The following KDM1A variants were observed in gnomAD, a reference collection of about 807,000 sequenced individuals.
KDM1A encodes the protein lysine-specific histone demethylase 1A.
Under a neutral mutation model 109.4 loss-of-function variants are expected in KDM1A, and 49 were observed. The ratio of observed to expected loss-of-function variants is 0.45; its 90% CI spans 0.36 to 0.57. The LOEUF is 0.57. Ranked by LOEUF, KDM1A falls within the 20% of genes least tolerant of loss-of-function variation. KDM1A has a pLI of 0.00. For missense variants in KDM1A, 668 were observed against 1,116.6 expected, an observed-to-expected ratio of 0.60 and a Z score of 5.73; for synonymous variants, 380 against 415.4, an observed-to-expected ratio of 0.91 and a Z score of 1.04.
At chr1:23,057,127 A>C (rs921075531) in intron 7 of KDM1A, among the ~76,000 whole-genome samples, 27 of 152,246 alleles carry the variant, frequency 1.8e-4, no homozygotes, top group African/African-American at 6.5e-4. Flanking sequence ...GTGAACAAAT[A>C]TTTTCTATAT....
At chr1:23,047,230 T>C (rs1420077545) in intron 3 of KDM1A, among the ~76,000 whole-genome samples, 1 of 152,164 alleles carries the variant, frequency 6.6e-6, no homozygotes, top group Non-Finnish European at 1.5e-5. Flanking sequence ...GGTTAGCTTT[T>C]TATCTTGCAG....
chr1:23,057,432 GT>G, intron 7 of KDM1A, 51 bp from the exon 8 acceptor site: 1 of 1,376,896 alleles, frequency 7.3e-7, no homozygotes, highest in East Asian at 2.3e-5. Context: ...ACTATGCCAG[GT>G]TTGTGGTTAA....
In KDM1A at chr1:23,045,899, G is replaced by C. The variant is rs1045058272; in HGVS notation, c.577+1413G>C. On this transcript the variant is annotated intron_variant, in intron 3 of 20. Transcript: ENST00000400181. ...ATGCATTTGTGAAATGATCAATCAG[G>C]GTTAGAAATGTGCTTGTAAGAGATC... Among the ~76,000 whole-genome samples the C allele has an allele frequency of 1.4e-4, 21 of 152,084 alleles. No homozygotes were observed. In the East Asian group the frequency reaches 2.3e-3, roughly 17 times the overall value.
At position 23,069,138 on chromosome 1, in the gene KDM1A, A is replaced by G. The variant is rs1356120805; in HGVS notation, c.1400A>G (p.Glu467Gly). The change falls in exon 12 of 21, where the codon GAA becomes GGA. Residue 467 changes from glutamate (E) to glycine (G), a missense_variant. This residue lies in a region of KDM1A where 62 missense variants were observed against 82.8 expected (regional missense o/e 0.75). Coordinates refer to ENST00000400181, the MANE Select transcript of KDM1A (RefSeq NM_001009999.3). ...KIVKTQEELK[E>G]LLNKMVNLKE... Reference sequence around the variant, plus strand: ...GTGAAAACTCAGGAAGAATTGAAAGAACTTCTTAATAAGGTGAAATTCTGT... The same window carrying G: ...GTGAAAACTCAGGAAGAATTGAAAGGACTTCTTAATAAGGTGAAATTCTGT... The G allele has an allele frequency of 6.3e-7, 1 of 1,595,630 alleles. No homozygotes were observed.
chr1:23,073,125 T>TA, intron 14 of KDM1A, 167 bp from the exon 15 acceptor site: 1 of 516,010 alleles, frequency 1.9e-6, no homozygotes, highest in Non-Finnish European at 3.4e-6. Context: ...ACATCAGAGA[T>TA]AAAGAGGTTA....
chr1:23,028,692 C>T (rs1034320183), intron 1 of KDM1A, among the ~76,000 whole-genome samples: 1 of 152,028 alleles, frequency 6.6e-6, no homozygotes, highest in Admixed American at 6.6e-5. Flanking sequence ...TTCTCTCCCC[C>T]TTTGAAACTT....
intron 11 of KDM1A, 95 bp downstream of exon 11, chr1:23,068,776 A>G (rs1643225198): frequency 1.8e-6 from 2 of 1,106,512 alleles, no homozygotes; most frequent in South Asian, 2.1e-5. Context: ...TGTTTGAGGT[A>G]GTTTTTACTT....
chr1:23,040,265 G>A (rs1273209374), intron 2 of KDM1A, among the ~76,000 whole-genome samples: 1 of 152,206 alleles, frequency 6.6e-6, no homozygotes, highest in Non-Finnish European at 1.5e-5. Flanking sequence ...CCAGATAAAA[G>A]CATTTGAAAG....
chr1:23,042,643 G>A (rs1294194219), intron 2 of KDM1A, among the ~76,000 whole-genome samples: 2 of 150,036 alleles, frequency 1.3e-5, no homozygotes, highest in Admixed American at 6.6e-5. Context: ...TAGTAGAGAC[G>A]GGGTTTCACC....
chr1:23,037,617 A>G (rs989859598), intron 2 of KDM1A, among the ~76,000 whole-genome samples: 3 of 152,204 alleles, frequency 2.0e-5, no homozygotes, highest in Non-Finnish European at 2.9e-5. Context: ...AACAATAGTC[A>G]CCATGTTGTA....
intron 20 of KDM1A, 51 bp from the exon 21 acceptor site, chr1:23,083,128 A>T (rs1163680642): frequency 6.5e-7 from 1 of 1,532,454 alleles, no homozygotes; most frequent in Non-Finnish European, 8.9e-7. Flanking sequence ...TAAGTACAAG[A>T]ATAAAGGTAT....
At chr1:23,073,457 A>G (rs1643376067) in intron 15 of KDM1A, 54 bp downstream of exon 15, 1 of 947,030 alleles carries the variant, frequency 1.1e-6, no homozygotes, top group Non-Finnish European at 1.7e-6. Flanking sequence ...AGGGATTGTA[A>G]GAGAAATAGT....
chr1:23,057,757 G>A, intron 8 of KDM1A, 192 bp downstream of exon 8: 1 of 323,170 alleles, frequency 3.1e-6, no homozygotes, highest in Non-Finnish European at 5.8e-6. Flanking sequence ...CTAGTTCTAG[G>A]AAATTATCAT....
At chr1:23,062,244 G>C (rs1643021701) in intron 9 of KDM1A, among the ~76,000 whole-genome samples, 1 of 152,186 alleles carries the variant, frequency 6.6e-6, no homozygotes, top group East Asian at 1.9e-4. Flanking sequence ...GGTGAGGTTA[G>C]TGTATGCACC....
chr1:23,025,864 G>GGC (rs1641781863), intron 1 of KDM1A, among the ~76,000 whole-genome samples: 1 of 152,060 alleles, frequency 6.6e-6, no homozygotes, highest in Non-Finnish European at 1.5e-5. Context: ...GGCCAAGGTG[G>GGC]ACAGATCGAT....
intron 9 of KDM1A, among the ~76,000 whole-genome samples, chr1:23,063,199 G>GGT (rs1204393258): frequency 1.3e-5 from 1 of 76,714 alleles, no homozygotes; most frequent in Non-Finnish European, 2.8e-5. Flanking sequence ...GTAGCATTGG[G>GGT]GGGGGGGTGT....
intron 3 of KDM1A, 109 bp from the exon 4 acceptor site, chr1:23,050,278 T>A (rs539175069): frequency 3.8e-5 from 45 of 1,187,608 alleles, no homozygotes; most frequent in Non-Finnish European, 4.8e-5. Context: ...CAATTGAAAA[T>A]TTTTTAAAAA....
intron 9 of KDM1A, among the ~76,000 whole-genome samples, chr1:23,064,279 A>C (rs1396431644): frequency 6.6e-6 from 1 of 152,174 alleles, no homozygotes; most frequent in Non-Finnish European, 1.5e-5. Flanking sequence ...TGTTGAGGAG[A>C]ATCTGAATTA....
At chr1:23,081,188 A>G (rs1418006794) in intron 18 of KDM1A, 7 of 408,992 alleles carry the variant, frequency 1.7e-5, no homozygotes, top group Non-Finnish European at 2.7e-5. Context: ...GAACTGCTGT[A>G]TTTTGCCAGG....
Sources: allele counts gnomAD v4.1 joint callset (sites outside exome capture counted in the v4.1 genomes callset), GRCh38; gene constraint gnomAD v4.1.1; regional missense constraint gnomAD v4.1.1; transcripts MANE v1.5; gene names NCBI Gene and HGNC (gene_info 2026-07-23, HGNC 2026-07-21).